MMS19: variants seen among roughly 807,000 people sequenced by gnomAD.
MMS19 encodes MMS19 nucleotide excision repair protein homolog.
MMS19 carries 77 observed loss-of-function variants against 129.8 expected under a neutral mutation model. The ratio of observed to expected loss-of-function variants is 0.59; its 90% CI spans 0.49 to 0.72. MMS19 has a LOEUF of 0.72. Ranked by LOEUF, MMS19 falls within the 30% of genes least tolerant of loss-of-function variation. The pLI, the probability that MMS19 is intolerant of heterozygous loss-of-function variation, is 0.00. For missense variants in MMS19, 1,168 were observed against 1,266.3 expected, an observed-to-expected ratio of 0.92 and a Z score of 1.18; for synonymous variants, 491 against 502.8, an observed-to-expected ratio of 0.98 and a Z score of 0.31.
Position 97,476,740 on chromosome 10 carries a change from G to A in MMS19, c.627C>T (p.Pro209=). 1 of 1,613,820 alleles carries A rather than the reference G, an allele frequency of 6.2e-7. No homozygotes were observed. The highest frequency in any genetic ancestry group is 8.5e-7 in the Non-Finnish European group (1 of 1,179,826). ...TCACTTCAAACAACTCCTCCACAAA[G>A]GGTCCTGTGGCAACAGAGAAAAAAT... The part of the protein sequence containing the change: ...DLISRDYSLG[P]FVEELFEVTS... The change falls in exon 8 of 31, where the codon CCC becomes CCT. Residue 209 remains proline (P), a synonymous_variant. Coordinates refer to ENST00000438925, the MANE Select transcript of MMS19 (RefSeq NM_022362.5).
At chr10:97,471,071 C>T (rs1437498170) in intron 8 of MMS19, among the ~76,000 whole-genome samples, 2 of 152,182 alleles carry the variant, frequency 1.3e-5, no homozygotes, top group African/African-American at 4.8e-5. Flanking sequence ...TCTGATTACA[C>T]ATTTTCTATC....
chr10:97,488,013 C>A (rs138423515), intron 1 of MMS19, among the ~76,000 whole-genome samples: 3 of 151,978 alleles, frequency 2.0e-5, no homozygotes, highest in Non-Finnish European at 2.9e-5. Flanking sequence ...CACTTGATTC[C>A]GGGAGGCAGA....
intron 1 of MMS19, among the ~76,000 whole-genome samples, chr10:97,495,882 A>G (rs2039691733): frequency 6.6e-6 from 1 of 152,226 alleles, no homozygotes; most frequent in South Asian, 2.1e-4. Flanking sequence ...CCCAGGCTCA[A>G]GCGATTCTCC....
At chr10:97,478,262 TC>T in intron 4 of MMS19, 41 bp downstream of exon 4, 1 of 1,478,408 alleles carries the variant, frequency 6.8e-7, no homozygotes, top group Non-Finnish European at 9.3e-7. Context: ...AGACAAGGGC[TC>T]CCTTGAACAA....
intron 1 of MMS19, among the ~76,000 whole-genome samples, chr10:97,490,936 C>G (rs1253772674): frequency 6.6e-6 from 1 of 152,220 alleles, no homozygotes; most frequent in Non-Finnish European, 1.5e-5. Context: ...GAAGGGGTAG[C>G]AGCCAGACTA....
intron 1 of MMS19, among the ~76,000 whole-genome samples, chr10:97,486,013 T>C (rs529424502): frequency 1.3e-5 from 2 of 152,348 alleles, no homozygotes; most frequent in South Asian, 2.1e-4. Flanking sequence ...TCTGTAGAGA[T>C]GTCTGTACTC....
At chr10:97,490,434 T>C (rs904688292) in intron 1 of MMS19, among the ~76,000 whole-genome samples, 2 of 152,084 alleles carry the variant, frequency 1.3e-5, no homozygotes, top group African/African-American at 4.8e-5. Context: ...AAGAGAAGCA[T>C]CTTAGAATGT....
rs372831944 is a variant in MMS19, at chr10:97,490,444, T to G, written c.113-6293A>C. Among the ~76,000 whole-genome samples, 22 of 152,304 alleles carry G rather than the reference T, an allele frequency of 1.4e-4. No homozygotes were observed. The South Asian group carries it at 4.6e-3, about 32-fold the overall frequency. On this transcript the variant is annotated intron_variant, in intron 1 of 30. Transcript: ENST00000438925. The stretch of plus-strand genomic sequence containing the variant: ...TATTGAAGAGAAGCATCTTAGAATG[T>G]ATTTTCAAGGGAGAAACAGGGTAAA...
chr10:97,467,385 C>T (rs2033730074), intron 14 of MMS19, 120 bp downstream of exon 14: 2 of 680,564 alleles, frequency 2.9e-6, no homozygotes, highest in Non-Finnish European at 5.1e-6. Context: ...TCTTGTGCTA[C>T]AACCTCAGAA....
In MMS19 at chr10:97,461,811, C is replaced by A; in HGVS notation, c.2184+17G>T. The A allele has an allele frequency of 6.2e-7, 1 of 1,603,496 alleles. No individual in the cohort carries two copies. The highest frequency in any genetic ancestry group is 2.2e-5 in the East Asian group (1 of 44,522). ...GTCAAGGTTAAATAACAGTACTTCC[C>A]AAATGTGCTCACTTACATTTCGAGG... On this transcript the variant is annotated intron_variant, in intron 22 of 30. Coordinates refer to ENST00000438925, the MANE Select transcript of MMS19 (RefSeq NM_022362.5).
Position 97,465,804 on chromosome 10 carries a change from C to T in MMS19, c.1756+1G>A. 2 of 1,611,454 alleles carry T rather than the reference C, an allele frequency of 1.2e-6. No individual in the cohort carries two copies. Among genetic ancestry groups the T allele is most frequent in the Non-Finnish European group, 1.7e-6 (2 of 1,179,346 alleles). On this transcript the variant is annotated splice_donor_variant, in intron 18 of 30. Transcript: ENST00000438925. LOFTEE classifies it high-confidence loss of function. ...CGTTGGTGGTTATTCCTAGTAGTTA[C>T]CTCTGTTCACTTGCCAGAGATGCTG...
chr10:97,458,873 G>A lies in MMS19; in HGVS notation c.2992C>T (p.Arg998Trp), dbSNP rs374055380. The change falls in exon 30 of 31, where the codon CGG (arginine) becomes TGG (tryptophan). Residue 998 changes from arginine to tryptophan, a missense_variant. Physicochemically the swap from Arg to Trp is moderately radical, Grantham distance 101. Coordinates refer to ENST00000438925, the MANE Select transcript of MMS19 (RefSeq NM_022362.5). Reference protein sequence around the residue: ...VLLPYKPQVIRALAKPLDDKK... With the variant: ...VLLPYKPQVIWALAKPLDDKK... ...TCATCCAGGGGTTTGGCTAAGGCCC[G>A]AATCACCTGTGGTTTGTACGGCAGC... 3 of 1,613,978 alleles carry A rather than the reference G, an allele frequency of 1.9e-6. No individual in the cohort carries two copies. Among genetic ancestry groups the A allele is most frequent in the Non-Finnish European group, 1.7e-6 (2 of 1,179,882 alleles).
At chr10:97,467,464 T>C in intron 14 of MMS19, 41 bp downstream of exon 14, 1 of 1,492,910 alleles carries the variant, frequency 6.7e-7, no homozygotes. Context: ...GGCTGAAGTG[T>C]TCAACAGTCC....
chr10:97,486,862 C>CATATATATATATATATATATAT lies in MMS19; in HGVS notation c.113-2733_113-2712dup, dbSNP rs148575472. ...TAAGCTTATCCTGAAATTAAAGTGC[C>CATATATATATATATATATATAT]ATATATATATATATATATATATATA... On this transcript the variant is annotated intron_variant, in intron 1 of 30. Transcript: ENST00000438925. 7.7e-3 allele frequency among the ~76,000 whole-genome samples: 653 copies of CATATATATATATATATATATAT among 84,708 alleles called. 34 individuals carry two copies. Among genetic ancestry groups the CATATATATATATATATATATAT allele is most frequent in the Non-Finnish European group, 0.011 (420 of 38,272 alleles). The allele number at this position is 84,708 out of a possible 152,430, so 55.6% of individuals were successfully genotyped here. A position where few individuals can be genotyped will look rare whatever the true frequency, so the allele number is the denominator to read the frequency against.
intron 8 of MMS19, among the ~76,000 whole-genome samples, chr10:97,476,424 C>G (rs1332711496): frequency 6.6e-6 from 1 of 152,206 alleles, no homozygotes; most frequent in African/African-American, 2.4e-5. Context: ...CCTTCAAGGG[C>G]AGGGACAGTG....
chr10:97,468,277 A>G lies in MMS19; in HGVS notation c.1193T>C (p.Leu398Pro). ...SVTSNVLPLL[L>P]EQFHKHSQSS... Reference sequence around the variant, plus strand: ...CTGACTGTGCTTGTGGAACTGTTCCAGCAGTAAAGGCAGTACATTGCTGGT... The same window carrying G: ...CTGACTGTGCTTGTGGAACTGTTCCGGCAGTAAAGGCAGTACATTGCTGGT... Residue 398 changes from leucine (L) to proline (P), a missense_variant, in exon 13 of 31, where the codon CTG becomes CCG. Leu to Pro is a moderately conservative substitution (Grantham distance 98). Coordinates refer to ENST00000438925, the MANE Select transcript of MMS19 (RefSeq NM_022362.5). The G allele has an allele frequency of 6.2e-7, 1 of 1,601,016 alleles. No individual in the cohort carries two copies. The highest frequency in any genetic ancestry group is 8.5e-7 in the Non-Finnish European group (1 of 1,171,536).
chr10:97,463,750 C>T (rs1347750813), intron 19 of MMS19, 108 bp downstream of exon 19: 1 of 1,026,956 alleles, frequency 9.7e-7, no homozygotes. Context: ...TGAAAATAAA[C>T]CTCTGATGGT....
chr10:97,470,833 C>T lies in MMS19; in HGVS notation c.713G>A (p.Arg238Lys). ...GCGAAGACTCAGGATGAGGTCTTCT[C>T]TCTGGATACCATGGGGATCATTAGG... ...PPPNDPHGIQ[R>K]EDLILSLRAV... is the part of the protein sequence containing the mutation. The change falls in exon 9 of 31, where the codon AGA (arginine) becomes AAA (lysine). Residue 238 changes from arginine (R) to lysine (K), a missense_variant. This residue lies in a region of MMS19 where 329 missense variants were observed against 328.6 expected (regional missense o/e 1.00). Transcript: ENST00000438925. 1.9e-6 allele frequency: 3 copies of T among 1,613,836 alleles called. No individual in the cohort carries two copies. The highest frequency in any genetic ancestry group is 1.3e-5 in the African/African-American group (1 of 75,014).
intron 1 of MMS19, among the ~76,000 whole-genome samples, chr10:97,490,657 T>C (rs1407232651): frequency 6.6e-6 from 1 of 152,212 alleles, no homozygotes; most frequent in Non-Finnish European, 1.5e-5. Context: ...GAAGAAATCC[T>C]AAACTTCCAG....
Sources: allele counts gnomAD v4.1 joint callset (sites outside exome capture counted in the v4.1 genomes callset), GRCh38; gene constraint gnomAD v4.1.1; regional missense constraint gnomAD v4.1.1; transcripts MANE v1.5; gene names NCBI Gene and HGNC (gene_info 2026-07-23, HGNC 2026-07-21).